Variants in DAAM1 observed in about 807,000 individuals in gnomAD.
The protein encoded by DAAM1 is disheveled-associated activator of morphogenesis 1.
In DAAM1, 52 loss-of-function variants were observed where a neutral mutation model predicts 130.0. The observed-to-expected ratio is 0.40, with a 90% CI of 0.32 to 0.50. DAAM1 has a LOEUF of 0.50. DAAM1 is among the 20% of genes least tolerant of loss of function. The pLI is 0.61. For synonymous variants in DAAM1, 452 were observed against 444.5 expected, an observed-to-expected ratio of 1.02 and a Z score of -0.21; for missense variants, 1,134 against 1,303.8, an observed-to-expected ratio of 0.87 and a Z score of 2.01.
intron 16 of DAAM1, among the ~76,000 whole-genome samples, chr14:59,341,208 G>A (rs1286986048): frequency 1.3e-5 from 2 of 152,292 alleles, no homozygotes; most frequent in Admixed American, 6.5e-5. Context: ...AATGCAACTA[G>A]TAAGGTAACC....
chr14:59,343,414 A>G (rs955366839), intron 16 of DAAM1, among the ~76,000 whole-genome samples: 1 of 152,072 alleles, frequency 6.6e-6, no homozygotes, highest in Non-Finnish European at 1.5e-5. Flanking sequence ...AATGAATAGG[A>G]ATGTTTCTAT....
chr14:59,201,793 CA>C (rs75591936), intron 1 of DAAM1, among the ~76,000 whole-genome samples: 28,832 of 101,444 alleles, frequency 0.28, 2,771 homozygotes, highest in Middle Eastern at 0.4. Flanking sequence ...GATACTGTCT[CA>C]AAAAAAAAAA....
intron 11 of DAAM1, 81 bp from the exon 12 acceptor site, chr14:59,326,852 A>G (rs906019699): frequency 1.3e-6 from 2 of 1,581,966 alleles, no homozygotes; most frequent in Admixed American, 1.7e-5. Context: ...GCAGTAGACT[A>G]TTTTTGTACC....
intron 24 of DAAM1, 151 bp from the exon 25 acceptor site, chr14:59,368,499 T>G: frequency 1.3e-6 from 1 of 771,114 alleles, no homozygotes; most frequent in Non-Finnish European, 2.0e-6. Context: ...CATGTTCCAA[T>G]TCCCCCTTTC....
intron 1 of DAAM1, among the ~76,000 whole-genome samples, chr14:59,199,633 C>T (rs1888036578): frequency 6.6e-6 from 1 of 152,174 alleles, no homozygotes; most frequent in Non-Finnish European, 1.5e-5. Context: ...TTTGTGATTC[C>T]TATTTTCAAC....
At chr14:59,209,383 C>A (rs1888360211) in intron 1 of DAAM1, among the ~76,000 whole-genome samples, 1 of 152,088 alleles carries the variant, frequency 6.6e-6, no homozygotes, top group Non-Finnish European at 1.5e-5. Flanking sequence ...AGGATAAATT[C>A]ATAGAAATAA....
rs1018804753 is a variant in DAAM1, at chr14:59,288,860, A to AGAGAGAGC, written c.184-2356_184-2355insAGAGAGCG. The stretch of plus-strand genomic sequence containing the variant: ...GAGAGAGAGAGAGAGAGAGAGAGAG[A>AGAGAGAGC]GCGCGCGAAGGGGGCAGTACCACAC... On this transcript the variant is annotated intron_variant, in intron 2 of 24. Coordinates refer to ENST00000360909, the MANE Select transcript of DAAM1 (RefSeq NM_001270520.2). Among the ~76,000 whole-genome samples the AGAGAGAGC allele has an allele frequency of 4.9e-5, 7 of 144,112 alleles. No individual in the cohort carries two copies. The South Asian group carries it at 9.1e-4, about 19-fold the overall frequency. 94.5% of individuals were successfully genotyped at this position (144,112 alleles called of 152,430 possible). A position where few individuals can be genotyped will look rare whatever the true frequency, so the allele number is the denominator to read the frequency against.
chr14:59,351,051 C>T (rs915894971), intron 17 of DAAM1, among the ~76,000 whole-genome samples: 5 of 152,066 alleles, frequency 3.3e-5, no homozygotes, highest in Non-Finnish European at 7.4e-5. Flanking sequence ...CCTTCTCCTC[C>T]CCATCCCGGC....
intron 2 of DAAM1, among the ~76,000 whole-genome samples, chr14:59,286,327 A>G (rs1883450373): frequency 2.0e-5 from 3 of 152,152 alleles, no homozygotes; most frequent in Admixed American, 2.0e-4. Context: ...CTACATCAAA[A>G]AGTTAGATCT....
chr14:59,245,233 A>G (rs1881318704), intron 1 of DAAM1, among the ~76,000 whole-genome samples: 1 of 152,092 alleles, frequency 6.6e-6, no homozygotes, highest in Non-Finnish European at 1.5e-5. Flanking sequence ...TTATTTTGGC[A>G]TTAACTTTCA....
intron 1 of DAAM1, among the ~76,000 whole-genome samples, chr14:59,255,686 A>G (rs1287408364): frequency 1.3e-5 from 2 of 152,122 alleles, no homozygotes; most frequent in Non-Finnish European, 2.9e-5. Context: ...AGATGCTCTT[A>G]TTGCATAACT....
At chr14:59,327,170 A>C (rs535665903) in intron 12 of DAAM1, among the ~76,000 whole-genome samples, 179 bp downstream of exon 12, 149 of 152,236 alleles carry the variant, frequency 9.8e-4, no homozygotes, top group African/African-American at 3.5e-3. Context: ...TTTAGTTGTC[A>C]TACTGATTCT....
At chr14:59,300,192 G>C (rs1315497661) in intron 3 of DAAM1, among the ~76,000 whole-genome samples, 1 of 152,186 alleles carries the variant, frequency 6.6e-6, no homozygotes, top group Non-Finnish European at 1.5e-5. Context: ...CCAACACAAA[G>C]AGAATTCATT....
At chr14:59,237,455 A>G (rs1728439718) in intron 1 of DAAM1, among the ~76,000 whole-genome samples, 1 of 152,192 alleles carries the variant, frequency 6.6e-6, no homozygotes, top group Non-Finnish European at 1.5e-5. Flanking sequence ...AGCAAGCTAA[A>G]CAATATAGGA....
chr14:59,223,225 C>A (rs2099637), intron 1 of DAAM1, among the ~76,000 whole-genome samples: 9,165 of 152,272 alleles, frequency 0.06, 380 homozygotes, highest in Non-Finnish European at 0.09. Context: ...TTCGCCTGAT[C>A]GTGTATATAC....
At chr14:59,225,035 T>TG (rs1295776420) in intron 1 of DAAM1, among the ~76,000 whole-genome samples, 11 of 142,454 alleles carry the variant, frequency 7.7e-5, no homozygotes, top group African/African-American at 2.9e-4. Context: ...TTTTTTTTTT[T>TG]TTTTTTTTTT....
intron 12 of DAAM1, among the ~76,000 whole-genome samples, chr14:59,327,569 G>A (rs555922596): frequency 7.2e-5 from 11 of 151,850 alleles, no homozygotes; most frequent in East Asian, 1.9e-4. Context: ...CATCACATCC[G>A]GCTAATTTTT....
intron 16 of DAAM1, among the ~76,000 whole-genome samples, chr14:59,344,341 A>C (rs1052718994): frequency 4.6e-5 from 7 of 152,230 alleles, no homozygotes; most frequent in African/African-American, 1.7e-4. Context: ...TGAGTAGAGC[A>C]ACCTGGAGTT....
At chr14:59,348,282 T>G (rs1007712076) in intron 17 of DAAM1, among the ~76,000 whole-genome samples, 1 of 152,260 alleles carries the variant, frequency 6.6e-6, no homozygotes, top group African/African-American at 2.4e-5. Context: ...TTATTATCCA[T>G]GACCAAGCAG....
Sources: allele counts gnomAD v4.1 joint callset (sites outside exome capture counted in the v4.1 genomes callset), GRCh38; gene constraint gnomAD v4.1.1; transcripts MANE v1.5; gene names NCBI Gene and HGNC (gene_info 2026-07-23, HGNC 2026-07-21).